OSBPL5: variants seen among roughly 807,000 people sequenced by gnomAD.
OSBPL5 encodes oxysterol-binding protein-related protein 5.
In OSBPL5, 71 loss-of-function variants were observed where a neutral mutation model predicts 111.2. That is an observed-to-expected ratio of 0.64 (90% CI 0.53 to 0.78). OSBPL5 has a LOEUF of 0.78. Ranked by LOEUF, OSBPL5 falls within the 30% of genes least tolerant of loss-of-function variation. The pLI is 0.00. For missense variants in OSBPL5, 1,210 were observed against 1,189.3 expected (o/e 1.02, Z -0.26); for synonymous variants, 549 against 513.9 (o/e 1.07, Z -0.93).
chr11:3,157,799 G>T (rs1396158835), intron 1 of OSBPL5, among the ~76,000 whole-genome samples: 1 of 152,268 alleles, frequency 6.6e-6, no homozygotes, highest in Non-Finnish European at 1.5e-5. Flanking sequence ...CTGGCCGTTG[G>T]TGGGCACCTG....
intron 1 of OSBPL5, among the ~76,000 whole-genome samples, chr11:3,147,102 C>T (rs554682424): frequency 6.6e-6 from 1 of 152,052 alleles, no homozygotes; most frequent in Admixed American, 6.5e-5. Flanking sequence ...CAAGGCAGAA[C>T]CACAGCCGTG....
chr11:3,110,930 C>T lies in OSBPL5; in HGVS notation c.692-2985G>A, dbSNP rs2412135. Among the ~76,000 whole-genome samples, 56,764 of 151,978 alleles carry T rather than the reference C, an allele frequency of 0.37. 11,845 individuals are homozygous for T. The highest frequency in any genetic ancestry group is 0.55 in the African/African-American group (22,890 of 41,388). On this transcript the variant is annotated intron_variant, in intron 7 of 21. Transcript: ENST00000263650. The surrounding 1 kb of genome is among the most constrained non-coding windows in gnomAD (Gnocchi z 5.3). ...CTCCTGAGGCTGTGTCACAGGTAGG[C>T]GTCTTCAACCTTGGCAAAATAAACT...
At chr11:3,138,272 G>A (rs1053520686) in intron 1 of OSBPL5, among the ~76,000 whole-genome samples, 45 of 152,340 alleles carry the variant, frequency 3.0e-4, no homozygotes, top group African/African-American at 1.0e-3. Context: ...GCCCTGGCAT[G>A]GGGGCGGGCT....
chr11:3,124,478 G>C (rs1858531314), intron 3 of OSBPL5, among the ~76,000 whole-genome samples: 1 of 152,284 alleles, frequency 6.6e-6, no homozygotes, highest in East Asian at 1.9e-4. Flanking sequence ...CCCTGAGCCA[G>C]GATCTTGTTC....
chr11:3,094,707 A>C, intron 14 of OSBPL5: 1 of 226,200 alleles, frequency 4.4e-6, no homozygotes, highest in South Asian at 7.2e-5. Context: ...CCTGTGAGAC[A>C]TGCATCGTGC....
intron 7 of OSBPL5, among the ~76,000 whole-genome samples, chr11:3,117,534 T>C (rs1282777085): frequency 6.6e-6 from 1 of 152,208 alleles, no homozygotes; most frequent in Non-Finnish European, 1.5e-5. Flanking sequence ...AGTCCAAGTA[T>C]AATAAAGCAA....
At position 3,126,971 on chromosome 11, in the gene OSBPL5, G is replaced by C. The variant is rs1001126366; in HGVS notation, c.137-416C>G. Reference sequence around the variant, plus strand: ...TGCATCCCCCTGGCTGGATGCTGCCGGCCCCTGCGTGCTGGGCTCTTGCTG... The same window carrying C: ...TGCATCCCCCTGGCTGGATGCTGCCCGCCCCTGCGTGCTGGGCTCTTGCTG... On this transcript the variant is annotated intron_variant, in intron 2 of 21. Coordinates refer to ENST00000263650, the MANE Select transcript of OSBPL5 (RefSeq NM_020896.4). The surrounding 1 kb of genome is among the most constrained non-coding windows in gnomAD (Gnocchi z 6.5). 6.6e-6 allele frequency among the ~76,000 whole-genome samples: 1 copy of C among 152,156 alleles called. No homozygotes were observed. Among genetic ancestry groups the C allele is most frequent in the Non-Finnish European group, 1.5e-5 (1 of 68,012 alleles).
At position 3,109,750 on chromosome 11, in the gene OSBPL5, G is replaced by T. The variant is rs531406766; in HGVS notation, c.692-1805C>A. The stretch of plus-strand genomic sequence containing the variant: ...GGCAGTGGATGGTGGTGGGGAGCTG[G>T]AGGGGTCACAACTGCCGAGTTGGCC... On this transcript the variant is annotated intron_variant, in intron 7 of 21. Coordinates refer to ENST00000263650, the MANE Select transcript of OSBPL5 (RefSeq NM_020896.4). The surrounding 1 kb of genome is among the most constrained non-coding windows in gnomAD (Gnocchi z 7.4). Among the ~76,000 whole-genome samples, 1 of 152,126 alleles carries T rather than the reference G, an allele frequency of 6.6e-6. No individual in the cohort carries two copies. Among genetic ancestry groups the T allele is most frequent in the Non-Finnish European group, 1.5e-5 (1 of 68,032 alleles).
intron 20 of OSBPL5, 96 bp downstream of exon 20, chr11:3,090,462 C>G (rs1409048261): frequency 2.7e-6 from 4 of 1,500,692 alleles, no homozygotes; most frequent in Non-Finnish European, 3.6e-6. Context: ...TGCCCTACAT[C>G]TGGGCAGGTG....
chr11:3,135,244 A>G (rs554980158), intron 1 of OSBPL5, among the ~76,000 whole-genome samples: 63 of 152,352 alleles, frequency 4.1e-4, no homozygotes, highest in African/African-American at 1.5e-3. Context: ...CCAAGGGGAC[A>G]CTGGCCCAGC....
In OSBPL5 at chr11:3,094,606, G is replaced by A. The variant is rs930441572; in HGVS notation, c.1622-272C>T. On this transcript the variant is annotated intron_variant, in intron 14 of 21. Transcript: ENST00000263650. ...AGGCACGCCTGGTCCCTCAGGGGCCGTCTCCCCCACTAAGGGGGCTCTGTC... is the reference window on the plus strand; with the variant it reads ...AGGCACGCCTGGTCCCTCAGGGGCCATCTCCCCCACTAAGGGGGCTCTGTC... 23 of 456,312 alleles carry A rather than the reference G, an allele frequency of 5.0e-5. 1 individual carries two copies. In the South Asian group the frequency reaches 5.3e-4, roughly 11 times the overall value. The allele number at this position is 456,312 out of a possible 1,614,324, so 28.3% of individuals were successfully genotyped here.
intron 7 of OSBPL5, among the ~76,000 whole-genome samples, chr11:3,118,630 G>T (rs111297662): frequency 0.016 from 2,410 of 148,874 alleles, 76 homozygotes; most frequent in African/African-American, 0.057. Context: ...GGAGTGCAGT[G>T]GTGTGATCTT....
intron 1 of OSBPL5, among the ~76,000 whole-genome samples, chr11:3,151,113 A>G (rs923999176): frequency 1.1e-4 from 17 of 152,182 alleles, no homozygotes; most frequent in Non-Finnish European, 2.2e-4. Flanking sequence ...CGTGCCGTGA[A>G]GACAGAGGCG....
intron 1 of OSBPL5, among the ~76,000 whole-genome samples, chr11:3,145,956 A>G (rs955970110): frequency 6.6e-6 from 1 of 152,114 alleles, no homozygotes; most frequent in African/African-American, 2.4e-5. Flanking sequence ...CCGGGGTCAC[A>G]ATCGGCAAAT....
intron 1 of OSBPL5, among the ~76,000 whole-genome samples, chr11:3,143,665 C>A (rs115550107): frequency 2.0e-5 from 3 of 152,244 alleles, no homozygotes; most frequent in African/African-American, 7.2e-5. Context: ...GGTCTGGACA[C>A]GGAACGCAGA....
At chr11:3,145,888 C>T (rs979356337) in intron 1 of OSBPL5, among the ~76,000 whole-genome samples, 1 of 152,178 alleles carries the variant, frequency 6.6e-6, no homozygotes. Flanking sequence ...CACAACTCCA[C>T]GACACTCCTA....
Position 3,102,269 on chromosome 11 carries a change from G to C in OSBPL5, c.1339C>G (p.Pro447Ala), listed in dbSNP as rs1472550139. The change falls in exon 12 of 22, where the codon CCG (proline) becomes GCG (alanine). Residue 447 changes from proline to alanine, a missense_variant. Transcript: ENST00000263650. Reference protein sequence around the residue: ...FYKKPKGIKKPYNPILGETFR... With the variant: ...FYKKPKGIKKAYNPILGETFR... The stretch of plus-strand genomic sequence containing the variant: ...GTCTCCCCCAGGATGGGGTTGTACG[G>C]CTTCTTGATTCCCTGCAGACAACAG... The C allele has an allele frequency of 6.2e-7, 1 of 1,600,572 alleles. No homozygotes were observed. The highest frequency in any genetic ancestry group is 8.5e-7 in the Non-Finnish European group (1 of 1,174,140).
intron 19 of OSBPL5, among the ~76,000 whole-genome samples, chr11:3,091,992 C>G (rs1857073685): frequency 6.6e-6 from 1 of 152,188 alleles, no homozygotes. Flanking sequence ...AAGACACACC[C>G]AAGGCAGCTT....
chr11:3,103,865 CCCCTTCCTGCCTCTGTA>C lies in OSBPL5; in HGVS notation c.1244+311_1244+327del, dbSNP rs1564830787. On this transcript the variant is annotated intron_variant, in intron 10 of 21. Transcript: ENST00000263650. The stretch of plus-strand genomic sequence containing the variant: ...GCAGCCCCTTTCCAGTCTGCGCAGC[CCCCTTCCTGCCTCTGTA>C]GCCCCATTCCTGCCTCTGCAGCCCC... Among the ~76,000 whole-genome samples the C allele has an allele frequency of 4.1e-3, 204 of 49,426 alleles. 5 individuals carry two copies. Among genetic ancestry groups the C allele is most frequent in the South Asian group, 7.2e-3 (13 of 1,798 alleles). The allele number at this position is 49,426 out of a possible 152,430, so 32.4% of individuals were successfully genotyped here.
Sources: gnomAD v4.1 joint callset for allele counts (sites outside exome capture counted in the v4.1 genomes callset) on GRCh38, gnomAD v4.1.1 for gene constraint, Gnocchi (gnomAD v3.1) non-coding constraint, MANE v1.5 for transcripts, NCBI Gene and HGNC (gene_info 2026-07-23, HGNC 2026-07-21) for gene names.